Variants in RGS3 observed in about 807,000 individuals in gnomAD.
The protein encoded by RGS3 is regulator of G-protein signalling 3.
Under a neutral mutation model 132.6 loss-of-function variants are expected in RGS3, and 80 were observed. That is an observed-to-expected ratio of 0.60 (90% CI 0.50 to 0.73). The LOEUF is 0.73. RGS3 is among the 30% of genes least tolerant of loss of function. RGS3 has a pLI of 0.00. For synonymous variants in RGS3, 598 were observed against 620.6 expected (o/e 0.96, Z 0.54); for missense variants, 1,382 against 1,530.8 (o/e 0.90, Z 1.62).
chr9:113,482,100 G>A (rs922017306), intron 4 of RGS3, among the ~76,000 whole-genome samples: 3 of 151,370 alleles, frequency 2.0e-5, no homozygotes, highest in East Asian at 1.9e-4. Context: ...AAATCCAGAC[G>A]TAAAAGAAAA....
At chr9:113,529,088 C>T (rs776022096) in intron 17 of RGS3, 133 bp from the exon 16 acceptor site, 4 of 731,640 alleles carry the variant, frequency 5.5e-6, no homozygotes, top group Admixed American at 2.0e-5. Context: ...CCCTGCCTCC[C>T]ATGCCTGCCT....
chr9:113,518,141 G>A (rs577380013), intron 16 of RGS3, among the ~76,000 whole-genome samples: 1 of 152,304 alleles, frequency 6.6e-6, no homozygotes, highest in African/African-American at 2.4e-5. Flanking sequence ...GCTGGCCTGG[G>A]ATGCTTTTCT....
chr9:113,525,949 C>T (rs893192737), intron 17 of RGS3, among the ~76,000 whole-genome samples: 2 of 152,236 alleles, frequency 1.3e-5, no homozygotes, highest in Admixed American at 6.5e-5. Context: ...TGTCTGGCCC[C>T]GTCCTGCCCA....
chr9:113,508,444 C>T, intron 13 of RGS3, 97 bp from the exon 12 acceptor site: 1 of 1,269,856 alleles, frequency 7.9e-7, no homozygotes. Flanking sequence ...TGAGGTGCTC[C>T]ACTTCCTCTC....
chr9:113,483,251 T>C (rs1257726048), intron 5 of RGS3, 134 bp downstream of exon 3: 2 of 675,792 alleles, frequency 3.0e-6, no homozygotes, highest in Non-Finnish European at 5.3e-6. Flanking sequence ...ATCTTCTCAA[T>C]AGGCATTTAT....
chr9:113,466,839 A>G (rs536720431), intron 3 of RGS3, among the ~76,000 whole-genome samples: 97 of 152,318 alleles, frequency 6.4e-4, no homozygotes, highest in Non-Finnish European at 1.2e-3. Flanking sequence ...GAACATTTTC[A>G]TTCCCTCAAA....
intron 19 of RGS3, among the ~76,000 whole-genome samples, chr9:113,558,726 A>G (rs562140560): frequency 3.3e-5 from 5 of 152,338 alleles, no homozygotes; most frequent in Admixed American, 3.3e-4. Context: ...ATCACACTGC[A>G]TGTGATTTAT....
At chr9:113,581,435 G>C (rs1264884834) in intron 19 of RGS3, 1 of 152,228 alleles carries the variant, frequency 6.6e-6, no homozygotes, top group Non-Finnish European at 1.5e-5. Flanking sequence ...CACTGACTCT[G>C]GTGTTTGGCA....
chr9:113,479,293 G>A lies in RGS3; in HGVS notation c.416-198G>A, dbSNP rs923091727. ...CAAGGCTAGAGAACCACTGCTGGAG[G>A]CATTCGAAAGGGACTCCCGATGTGG... is the stretch of plus-strand genomic sequence containing the variant. On this transcript the variant is annotated intron_variant, in intron 3 of 24. Coordinates refer to ENST00000350696, the Ensembl canonical transcript of RGS3. 7.9e-6 allele frequency: 5 copies of A among 635,074 alleles called. No individual in the cohort carries two copies. In the South Asian group the frequency reaches 9.1e-5, roughly 11 times the overall value. 39.3% of individuals were successfully genotyped at this position (635,074 alleles called of 1,614,324 possible). A position where few individuals can be genotyped will look rare whatever the true frequency, so the allele number is the denominator to read the frequency against.
chr9:113,522,922 C>T lies in RGS3; in HGVS notation c.1759-8C>T. The T allele has an allele frequency of 6.3e-7, 1 of 1,597,208 alleles. No homozygotes were observed. The highest frequency in any genetic ancestry group is 8.6e-7 in the Non-Finnish European group (1 of 1,164,532). ...GTAGCCAGTTCTGTTTGCTCTCTGT[C>T]AACCCAGGTGACACTGTTTGCCTAT... is the stretch of plus-strand genomic sequence containing the variant. On this transcript the variant is annotated splice_polypyrimidine_tract_variant and splice_region_variant and intron_variant, in intron 16 of 24. Coordinates refer to ENST00000350696, the Ensembl canonical transcript of RGS3.
At chr9:113,542,692 T>A (rs1354762557) in intron 19 of RGS3, among the ~76,000 whole-genome samples, 1 of 152,158 alleles carries the variant, frequency 6.6e-6, no homozygotes, top group Non-Finnish European at 1.5e-5. Flanking sequence ...GTGGGGGCAG[T>A]GCTGAGTTCT....
chr9:113,506,528 G>C lies in RGS3; in HGVS notation c.1085+35G>C. On this transcript the variant is annotated intron_variant, in intron 12 of 24. Coordinates refer to ENST00000350696, the Ensembl canonical transcript of RGS3. This position sits in a 1 kb window ranked among gnomAD's most constrained non-coding sequence, Gnocchi z 4.7. ...GACAGCGGGTGGCCTGGGGCCTCAG[G>C]CTGATGGCACACCCTCCCCACCCCT... The C allele has an allele frequency of 7.1e-7, 1 of 1,412,822 alleles. No homozygotes were observed. Among genetic ancestry groups the C allele is most frequent in the Non-Finnish European group, 9.8e-7 (1 of 1,018,406 alleles). The allele number at this position is 1,412,822 out of a possible 1,614,324, so 87.5% of individuals were successfully genotyped here.
chr9:113,594,125 G>A (rs754184393), intron 21 of RGS3: 2 of 1,613,116 alleles, frequency 1.2e-6, no homozygotes, highest in Non-Finnish European at 1.7e-6. Context: ...GTGCCTGGGA[G>A]TCCAGTCATC....
intron 3 of RGS3, among the ~76,000 whole-genome samples, chr9:113,473,038 C>G (rs1403998100): frequency 2.0e-5 from 3 of 152,240 alleles, no homozygotes; most frequent in South Asian, 2.1e-4. Context: ...GAGACTCCAT[C>G]TCAATAATAA....
chr9:113,565,174 G>T lies in RGS3; in HGVS notation c.2038-18276G>T. 1 of 1,228,788 alleles carries T rather than the reference G, an allele frequency of 8.1e-7. No individual in the cohort carries two copies. Among genetic ancestry groups the T allele is most frequent in the Non-Finnish European group, 1.0e-6 (1 of 959,372 alleles). 76.1% of individuals were successfully genotyped at this position (1,228,788 alleles called of 1,614,324 possible). A position where few individuals can be genotyped will look rare whatever the true frequency, so the allele number is the denominator to read the frequency against. ...ACCCACAGCCTATGCGTGTGAGCATGTAACCCGGGAGCCAGCTGGGCCCCT... is the reference window on the plus strand; with the variant it reads ...ACCCACAGCCTATGCGTGTGAGCATTTAACCCGGGAGCCAGCTGGGCCCCT... On this transcript the variant is annotated intron_variant, in intron 19 of 24. Coordinates refer to ENST00000350696, the Ensembl canonical transcript of RGS3. This position sits in a 1 kb window ranked among gnomAD's most constrained non-coding sequence, Gnocchi z 5.7.
chr9:113,483,855 G>A (rs900377109), intron 5 of RGS3, among the ~76,000 whole-genome samples: 1 of 152,162 alleles, frequency 6.6e-6, no homozygotes, highest in African/African-American at 2.4e-5. Flanking sequence ...CTGCTTGGGG[G>A]AAGAGCAGAG....
intron 4 of RGS3, among the ~76,000 whole-genome samples, chr9:113,480,242 C>A (rs7867203): frequency 0.14 from 21,769 of 151,914 alleles, 1,700 homozygotes; most frequent in African/African-American, 0.2. Flanking sequence ...GCAGATCACG[C>A]GGTCAGGAGT....
At chr9:113,554,711 C>G (rs910314731) in intron 19 of RGS3, among the ~76,000 whole-genome samples, 2 of 152,088 alleles carry the variant, frequency 1.3e-5, no homozygotes, top group African/African-American at 4.8e-5. Context: ...TGTAAGAGCT[C>G]TTTATGTGGT....
chr9:113,595,510 C>A (rs1489384977), intron 23 of RGS3, 89 bp from the exon 22 acceptor site: 6 of 1,455,940 alleles, frequency 4.1e-6, no homozygotes, highest in Non-Finnish European at 5.7e-6. Flanking sequence ...GCACGCCCAT[C>A]TTTAAAGTCC....
Sources: gnomAD v4.1 joint callset for allele counts (sites outside exome capture counted in the v4.1 genomes callset) on GRCh38, gnomAD v4.1.1 for gene constraint, Gnocchi (gnomAD v3.1) non-coding constraint, MANE v1.5 for transcripts, NCBI Gene and HGNC (gene_info 2026-07-23, HGNC 2026-07-21) for gene names.